Variants in CACNA1E observed in about 807,000 individuals in gnomAD.
CACNA1E encodes voltage-dependent R-type calcium channel subunit alpha-1E.
CACNA1E carries 40 observed loss-of-function variants against 259.2 expected under a neutral mutation model. The ratio of observed to expected loss-of-function variants is 0.15; its 90% CI spans 0.12 to 0.20. The LOEUF (loss-of-function observed/expected upper bound fraction) is 0.20. CACNA1E is among the 10% of genes least tolerant of loss of function. CACNA1E has a pLI of 1.00. For synonymous variants in CACNA1E, 1,104 were observed against 1,138.5 expected, an observed-to-expected ratio of 0.97 and a Z score of 0.61; for missense variants, 1,874 against 3,040.1, an observed-to-expected ratio of 0.62 and a Z score of 9.02.
At chr1:181,605,517 A>C (rs1654150120) in intron 6 of CACNA1E, among the ~76,000 whole-genome samples, 1 of 152,212 alleles carries the variant, frequency 6.6e-6, no homozygotes, top group African/African-American at 2.4e-5. Context: ...CCAAAAGAGA[A>C]ACACAGGAAA....
chr1:181,557,696 T>G (rs1466168503), intron 3 of CACNA1E, among the ~76,000 whole-genome samples: 1 of 152,218 alleles, frequency 6.6e-6, no homozygotes, highest in Non-Finnish European at 1.5e-5. Flanking sequence ...CTGGGAGACC[T>G]TCCTAAAGCA....
At chr1:181,757,897 G>T (rs775317562) in intron 30 of CACNA1E, 50 bp from the exon 31 acceptor site, 1 of 1,591,386 alleles carries the variant, frequency 6.3e-7, no homozygotes, top group East Asian at 2.2e-5. Flanking sequence ...GCCTGCCATG[G>T]TAGATCTAGG....
chr1:181,424,050 A>G (rs761997873), intron 2 of CACNA1E, among the ~76,000 whole-genome samples: 4 of 152,172 alleles, frequency 2.6e-5, no homozygotes, highest in Non-Finnish European at 4.4e-5. Flanking sequence ...GAGACGAGGC[A>G]TTTCAGGATC....
intron 1 of CACNA1E, among the ~76,000 whole-genome samples, chr1:181,407,171 G>T (rs1311369083): frequency 6.6e-6 from 1 of 152,048 alleles, no homozygotes; most frequent in Non-Finnish European, 1.5e-5. Context: ...GCCCATCCTT[G>T]AACAGTCACC....
intron 2 of CACNA1E, among the ~76,000 whole-genome samples, chr1:181,473,666 C>T (rs975329327): frequency 4.6e-5 from 7 of 152,202 alleles, no homozygotes; most frequent in Non-Finnish European, 7.3e-5. Flanking sequence ...TGAGGCCCTT[C>T]GGCACCATCT....
At position 181,529,746 on chromosome 1, in the gene CACNA1E, T is replaced by A. The variant is rs574443665; in HGVS notation, c.512+18236T>A. Among the ~76,000 whole-genome samples the A allele has an allele frequency of 4.6e-5, 7 of 152,346 alleles. No homozygotes were observed. In the South Asian group the frequency reaches 1.5e-3, roughly 32 times the overall value. On this transcript the variant is annotated intron_variant, in intron 3 of 47. Transcript: ENST00000367573. The stretch of plus-strand genomic sequence containing the variant: ...CATGGGCCCTGCAACACCTTTGTTT[T>A]GGCCAATTTTTCCCATTTGGAATGG...
rs371735545 is a variant in CACNA1E at position 181,726,086 on chromosome 1, G to A, written c.2164G>A (p.Ala722Thr). 3 of 1,612,578 alleles carry A rather than the reference G, an allele frequency of 1.9e-6. No homozygotes were observed. Among genetic ancestry groups the A allele is most frequent in the African/African-American group, 1.3e-5 (1 of 74,910 alleles). ...CTAGGATGAACAGGAGGAAGAAGAG[G>A]CCTTCAACCAGAAACATGCACTGCA... ...LTKDEQEEEE[A>T]FNQKHALQKA... The change falls in exon 18 of 48, where the codon GCC (alanine) becomes ACC (threonine). Residue 722 changes from alanine (A) to threonine (T), a missense_variant. This residue lies in a region of CACNA1E where 102 missense variants were observed against 279.4 expected (regional missense o/e 0.37). Transcript: ENST00000367573.
chr1:181,635,521 C>A (rs1410008035), intron 6 of CACNA1E, among the ~76,000 whole-genome samples: 2 of 152,134 alleles, frequency 1.3e-5, no homozygotes, highest in African/African-American at 2.4e-5. Flanking sequence ...ATCAATGTAG[C>A]AGCTAAAGCT....
At chr1:181,557,649 G>A (rs2102870914) in intron 3 of CACNA1E, among the ~76,000 whole-genome samples, 1 of 152,176 alleles carries the variant, frequency 6.6e-6, no homozygotes, top group East Asian at 1.9e-4. Flanking sequence ...CCTTGGCCCA[G>A]CATCTCTCCC....
intron 3 of CACNA1E, among the ~76,000 whole-genome samples, chr1:181,550,799 C>G (rs1187645653): frequency 6.6e-6 from 1 of 151,978 alleles, no homozygotes; most frequent in Non-Finnish European, 1.5e-5. Flanking sequence ...TGTAAAGTCC[C>G]TTGTCAGATA....
chr1:181,341,919 G>A (rs1486853526), intron 1 of CACNA1E, among the ~76,000 whole-genome samples: 1 of 152,186 alleles, frequency 6.6e-6, no homozygotes, highest in Non-Finnish European at 1.5e-5. Flanking sequence ...AGATAAAGGT[G>A]GGAGGAGATA....
At chr1:181,435,913 ATC>A (rs1184915436) in intron 2 of CACNA1E, among the ~76,000 whole-genome samples, 1 of 147,296 alleles carries the variant, frequency 6.8e-6, no homozygotes, top group African/African-American at 2.6e-5. Flanking sequence ...GCTTTAAAAC[ATC>A]TGTTATCCAA....
intron 7 of CACNA1E, among the ~76,000 whole-genome samples, chr1:181,708,239 G>A (rs1187375500): frequency 1.3e-5 from 2 of 152,154 alleles, no homozygotes; most frequent in Non-Finnish European, 2.9e-5. Context: ...GACTTTGAAC[G>A]TCACGCTTGA....
chr1:181,373,357 C>G (rs1187040891), intron 1 of CACNA1E, among the ~76,000 whole-genome samples: 2 of 152,022 alleles, frequency 1.3e-5, no homozygotes, highest in Non-Finnish European at 2.9e-5. Flanking sequence ...CTGGTTCAAT[C>G]TTGGAAGGTT....
intron 35 of CACNA1E, among the ~76,000 whole-genome samples, chr1:181,767,509 G>A (rs1225849848): frequency 6.6e-6 from 1 of 152,230 alleles, no homozygotes; most frequent in African/African-American, 2.4e-5. Flanking sequence ...CCTTGGGCCT[G>A]CTGGCTGCCT....
At chr1:181,730,747 G>T (rs1655391999) in intron 18 of CACNA1E, among the ~76,000 whole-genome samples, 1 of 152,204 alleles carries the variant, frequency 6.6e-6, no homozygotes. Context: ...ATGAGCTGGG[G>T]AGCCACACCC....
At chr1:181,594,167 T>A (rs533252946) in intron 6 of CACNA1E, among the ~76,000 whole-genome samples, 131 of 151,660 alleles carry the variant, frequency 8.6e-4, no homozygotes, top group South Asian at 2.9e-3. Flanking sequence ...GTAATAGATA[T>A]AATAGGTAAA....
At chr1:181,364,609 CGAAGATCTGGACAAAGGAAGGTA>C (rs150501741) in intron 1 of CACNA1E, among the ~76,000 whole-genome samples, 2,434 of 152,246 alleles carry the variant, frequency 0.016, 35 homozygotes, top group Non-Finnish European at 0.026. Flanking sequence ...AGAAAGATTA[CGAAGATCTGGACAAAGGAAGGTA>C]GAATGATGCT....
At chr1:181,348,379 C>T (rs1436316515) in intron 1 of CACNA1E, among the ~76,000 whole-genome samples, 1 of 152,084 alleles carries the variant, frequency 6.6e-6, no homozygotes, top group African/African-American at 2.4e-5. Flanking sequence ...CTCACCTTTC[C>T]CTCCCCTTCC....
Sources: gnomAD v4.1 joint callset for allele counts (sites outside exome capture counted in the v4.1 genomes callset) on GRCh38, gnomAD v4.1.1 for gene constraint, gnomAD v4.1.1 regional missense constraint, MANE v1.5 for transcripts, NCBI Gene and HGNC (gene_info 2026-07-23, HGNC 2026-07-21) for gene names.